Variants in MESP1 observed in about 807,000 individuals in gnomAD.
MESP1 encodes mesoderm posterior bHLH transcription factor 1.
MESP1 carries 22 observed loss-of-function variants against 15.2 expected under a neutral mutation model. That is an observed-to-expected ratio of 1.45 (90% CI 1.04 to 2.07). MESP1 has a LOEUF of 2.07. MESP1 is among the 30% of genes most tolerant of loss of function. MESP1 has a pLI of 0.00. For synonymous variants in MESP1, 216 were observed against 192.6 expected (o/e 1.12, Z -1.01); for missense variants, 484 against 411.9 (o/e 1.17, Z -1.51).
At chr15:89,735,997 G>A in the MESP1 span, among the ~76,000 whole-genome samples, 1 of 152,208 alleles carries the variant, frequency 6.6e-6, no homozygotes, top group Non-Finnish European at 1.5e-5. Flanking sequence ...TGAGATTGCT[G>A]TGGAATGTGG....
chr15:89,743,218 G>C, the MESP1 span: 5 of 1,439,802 alleles, frequency 3.5e-6, no homozygotes, highest in Non-Finnish European at 4.9e-6. Flanking sequence ...CAGGGTAGTC[G>C]AGGTCTGCCC....
At chr15:89,744,509 A>G in the MESP1 span, among the ~76,000 whole-genome samples, 2 of 152,220 alleles carry the variant, frequency 1.3e-5, no homozygotes, top group East Asian at 1.9e-4. Context: ...GGTGTTGGGG[A>G]ACCAACATTT....
chr15:89,740,282 TAACAGGGGC>T, the MESP1 span, among the ~76,000 whole-genome samples: 2 of 152,132 alleles, frequency 1.3e-5, no homozygotes, highest in Non-Finnish European at 2.9e-5. Flanking sequence ...TACCTGCACT[TAACAGGGGC>T]GTTCAAGTCC....
rs1968079293 is a variant in MESP1 at position 89,750,885 on chromosome 15, G to A, written c.347C>T (p.Ala116Val). The change falls in exon 1 of 2, where the codon GCG becomes GTG. Residue 116 changes from alanine (A) to valine (V), a missense_variant. Physicochemically the swap from Ala to Val is moderately conservative, Grantham distance 64 (BLOSUM62 0). Transcript: ENST00000300057. ...RRFLPPSVAP[A>V]GQSLTKIETL... The stretch of plus-strand genomic sequence containing the variant: ...CTCGATCTTGGTCAGGCTCTGGCCC[G>A]CGGGCGCCACGGACGGCGGTAGAAA... The A allele has an allele frequency of 2.0e-6, 3 of 1,502,804 alleles. No individual in the cohort carries two copies. The highest frequency in any genetic ancestry group is 1.4e-5 in the African/African-American group (1 of 69,128). 93.1% of individuals were successfully genotyped at this position (1,502,804 alleles called of 1,614,324 possible).
chr15:89,737,450 G>A, the MESP1 span: 2 of 1,316,490 alleles, frequency 1.5e-6, no homozygotes, highest in East Asian at 2.3e-5. Flanking sequence ...TCCAGAGGCT[G>A]GGGCCCAAGA....
At chr15:89,750,290 C>T in intron 1 of MESP1, 63 bp from the exon 2 acceptor site, 1 of 1,596,546 alleles carries the variant, frequency 6.3e-7, no homozygotes, top group African/African-American at 1.3e-5. Flanking sequence ...GGTGTCCGCG[C>T]TCGTGGGCTC....
At chr15:89,744,547 C>T in the MESP1 span, among the ~76,000 whole-genome samples, 2 of 152,218 alleles carry the variant, frequency 1.3e-5, no homozygotes, top group Non-Finnish European at 2.9e-5. Flanking sequence ...TACATTTAAG[C>T]TTTAAGCAAC....
the MESP1 span, among the ~76,000 whole-genome samples, chr15:89,736,669 C>T: frequency 2.0e-5 from 3 of 151,880 alleles, no homozygotes; most frequent in Non-Finnish European, 2.9e-5. Flanking sequence ...ATGGTGGAGA[C>T]GAGTGGCTGA....
chr15:89,733,363 A>G, the MESP1 span: 6 of 750,966 alleles, frequency 8.0e-6, no homozygotes, highest in Non-Finnish European at 1.1e-5. Context: ...GAAGATCACC[A>G]ATGTCACATA....
Position 89,750,884 on chromosome 15 carries a change from C to T in MESP1, c.348G>A (p.Ala116=). 1 of 1,505,280 alleles carries T rather than the reference C, an allele frequency of 6.6e-7. No homozygotes were observed. Among genetic ancestry groups the T allele is most frequent in the Non-Finnish European group, 8.8e-7 (1 of 1,133,080 alleles). The allele number at this position is 1,505,280 out of a possible 1,614,324, so 93.2% of individuals were successfully genotyped here. ...RRFLPPSVAP[A]GQSLTKIETL... is the part of the protein sequence containing the mutation. The stretch of plus-strand genomic sequence containing the variant: ...TCTCGATCTTGGTCAGGCTCTGGCC[C>T]GCGGGCGCCACGGACGGCGGTAGAA... Residue 116 remains alanine, a synonymous_variant, in exon 1 of 2, where the codon GCG becomes GCA. Transcript: ENST00000300057.
At chr15:89,737,625 G>A in the MESP1 span, 25 of 1,614,058 alleles carry the variant, frequency 1.5e-5, no homozygotes, top group East Asian at 1.3e-4. Context: ...GTGGCCAAGC[G>A]TGAAATCATC....
At chr15:89,737,769 C>T in the MESP1 span, 1 of 1,611,910 alleles carries the variant, frequency 6.2e-7, no homozygotes, top group Non-Finnish European at 8.5e-7. Context: ...CTGACCATTT[C>T]CCTGACTTAG....
At chr15:89,741,412 G>A in the MESP1 span, among the ~76,000 whole-genome samples, 1 of 151,918 alleles carries the variant, frequency 6.6e-6, no homozygotes, top group East Asian at 1.9e-4. Context: ...ATTATCTGTG[G>A]AAGCAGGGTC....
the MESP1 span, among the ~76,000 whole-genome samples, chr15:89,737,392 G>A: frequency 6.6e-6 from 1 of 152,210 alleles, no homozygotes; most frequent in African/African-American, 2.4e-5. Flanking sequence ...GGCTGAGGGG[G>A]ACCCCAAGCA....
the MESP1 span, chr15:89,737,557 T>C: frequency 6.8e-6 from 11 of 1,613,976 alleles, no homozygotes; most frequent in South Asian, 2.2e-5. Flanking sequence ...CCCCTCACCA[T>C]CTCTTTGCTT....
chr15:89,736,322 G>A, the MESP1 span, among the ~76,000 whole-genome samples: 1,137 of 152,256 alleles, frequency 7.5e-3, 18 homozygotes, highest in African/African-American at 0.026. Flanking sequence ...GTGATTCCTG[G>A]TGTGGCCCTA....
chr15:89,750,822 G>T lies in MESP1; in HGVS notation c.410C>A (p.Ser137Ter). ...CTCCTCGCTGAGGCCTAGCACGGCC[G>T]ACAGGTGGCCGATATAGCGGATAGC... ...RLAIRYIGHL[S>*]AVLGLSEESL... The change falls in exon 1 of 2, where the codon TCG becomes TAG. Residue 137 changes from serine (S) to a stop codon, truncating the protein, a stop_gained. Coordinates refer to ENST00000300057, the MANE Select transcript of MESP1 (RefSeq NM_018670.4). LOFTEE classifies it high-confidence loss of function. The T allele has an allele frequency of 6.5e-7, 1 of 1,530,682 alleles. No individual in the cohort carries two copies. Among genetic ancestry groups the T allele is most frequent in the Middle Eastern group, 1.7e-4 (1 of 5,882 alleles). 94.8% of individuals were successfully genotyped at this position (1,530,682 alleles called of 1,614,324 possible).
At chr15:89,743,155 T>C in the MESP1 span, 1 of 780,364 alleles carries the variant, frequency 1.3e-6, no homozygotes, top group Admixed American at 2.3e-5. Context: ...GGCTGAGCCC[T>C]GAGGACACAG....
rs1968051405 is a variant in MESP1, at chr15:89,750,062, G to A, written c.*82C>T. ...ATCGCCCGTGCCCTCTTCCAGGAAA[G>A]GCAGTCTGCCAAGGAACCACTTCGA... On this transcript the variant is annotated 3_prime_UTR_variant, in exon 2 of 2. Transcript: ENST00000300057. 3.0e-6 allele frequency: 4 copies of A among 1,346,226 alleles called. No individual in the cohort carries two copies. The highest frequency in any genetic ancestry group is 1.4e-5 in the African/African-American group (1 of 69,570). 83.4% of individuals were successfully genotyped at this position (1,346,226 alleles called of 1,614,324 possible).
Sources: gnomAD v4.1 joint callset for allele counts (sites outside exome capture counted in the v4.1 genomes callset) on GRCh38, gnomAD v4.1.1 for gene constraint, MANE v1.5 for transcripts, NCBI Gene and HGNC (gene_info 2026-07-23, HGNC 2026-07-21) for gene names.